The following RAPGEF5 variants were observed in gnomAD, a reference collection of about 807,000 sequenced individuals.
The protein encoded by RAPGEF5 is Rap guanine nucleotide exchange factor 5.
RAPGEF5 carries 65 observed loss-of-function variants against 125.2 expected under a neutral mutation model. The ratio of observed to expected loss-of-function variants is 0.52; its 90% CI spans 0.43 to 0.64. The LOEUF is 0.64. RAPGEF5 is among the 30% of genes least tolerant of loss of function. The pLI is 0.00. For missense variants in RAPGEF5, 958 were observed against 1,048.1 expected, an observed-to-expected ratio of 0.91 and a Z score of 1.19; for synonymous variants, 391 against 385.9, an observed-to-expected ratio of 1.01 and a Z score of -0.16.
At chr7:22,180,673 CTG>C (rs1784646641) in intron 11 of RAPGEF5, among the ~76,000 whole-genome samples, 1 of 152,144 alleles carries the variant, frequency 6.6e-6, no homozygotes, top group African/African-American at 2.4e-5. Flanking sequence ...CACATGTACA[CTG>C]AAAATTTCCA....
chr7:22,222,075 C>T (rs1432137133), intron 8 of RAPGEF5, among the ~76,000 whole-genome samples: 2 of 151,990 alleles, frequency 1.3e-5, no homozygotes, highest in East Asian at 1.9e-4. Context: ...GGTGAAACCC[C>T]GTCTCTACTA....
At chr7:22,140,239 C>G (rs566312912) in intron 20 of RAPGEF5, 124 bp from the exon 21 acceptor site, 1 of 802,596 alleles carries the variant, frequency 1.2e-6, no homozygotes, top group Non-Finnish European at 2.0e-6. Context: ...CTACAGCCTA[C>G]GTACCCCTTA....
At chr7:22,183,500 A>C (rs1026886591) in intron 11 of RAPGEF5, among the ~76,000 whole-genome samples, 1 of 152,174 alleles carries the variant, frequency 6.6e-6, no homozygotes, top group African/African-American at 2.4e-5. Flanking sequence ...CTAGCTAAAA[A>C]GATGAGTATC....
chr7:22,212,238 G>T (rs1438062874), intron 9 of RAPGEF5, among the ~76,000 whole-genome samples: 1 of 152,142 alleles, frequency 6.6e-6, no homozygotes, highest in Non-Finnish European at 1.5e-5. Context: ...CTCCCAAAGT[G>T]CTGGGATTAC....
rs574241172 is a variant in RAPGEF5 at position 22,184,077 on chromosome 7, A to T, written c.1204+9290T>A. Among the ~76,000 whole-genome samples the T allele has an allele frequency of 8.5e-5, 13 of 152,336 alleles. 2 individuals are homozygous for T. Among genetic ancestry groups the T allele is most frequent in the African/African-American group, 3.1e-4 (13 of 41,572 alleles). ...TTCCGTTTACAAAGTCTACTGTAAA[A>T]TGGTCAACCTTTTGTGGCAAAAGCC... On this transcript the variant is annotated intron_variant, in intron 11 of 25. Coordinates refer to ENST00000665637, the MANE Select transcript of RAPGEF5 (RefSeq NM_012294.5).
chr7:22,132,299 G>A (rs1782936231), intron 23 of RAPGEF5, among the ~76,000 whole-genome samples: 2 of 152,024 alleles, frequency 1.3e-5, no homozygotes, highest in Admixed American at 1.3e-4. Context: ...ACACACTGAT[G>A]CAACCCTTTC....
At chr7:22,220,219 G>C in intron 8 of RAPGEF5, 1 of 481,576 alleles carries the variant, frequency 2.1e-6, no homozygotes, top group Non-Finnish European at 3.7e-6. Flanking sequence ...ACTTTAAGAG[G>C]GTGAAGGACA....
intron 7 of RAPGEF5, among the ~76,000 whole-genome samples, chr7:22,261,233 T>C (rs1166357878): frequency 2.0e-5 from 3 of 152,060 alleles, no homozygotes; most frequent in Admixed American, 1.3e-4. Context: ...TATTATTATT[T>C]ACAATGGAAA....
At chr7:22,356,171 G>A (rs555332745) in intron 1 of RAPGEF5, 19 of 985,210 alleles carry the variant, frequency 1.9e-5, no homozygotes, top group South Asian at 1.9e-4. Context: ...ACTCAATGAG[G>A]GACACTCCTT....
chr7:22,153,652 G>T (rs995186140), intron 17 of RAPGEF5, among the ~76,000 whole-genome samples: 14 of 152,152 alleles, frequency 9.2e-5, no homozygotes, highest in African/African-American at 3.1e-4. Flanking sequence ...ACAGGAATGC[G>T]GTTAATCTGC....
intron 6 of RAPGEF5, among the ~76,000 whole-genome samples, chr7:22,268,411 G>C (rs893141681): frequency 3.9e-5 from 6 of 152,166 alleles, no homozygotes; most frequent in African/African-American, 1.4e-4. Flanking sequence ...ACCTTCGTAA[G>C]TACTGGTATG....
chr7:22,233,710 TTAAGCTTTAGGAA>T (rs1232115352), intron 7 of RAPGEF5, among the ~76,000 whole-genome samples: 3 of 152,152 alleles, frequency 2.0e-5, no homozygotes, highest in African/African-American at 7.2e-5. Context: ...ACACTACATT[TTAAGCTTTAGGAA>T]TAATTCTTAA....
At chr7:22,176,690 G>T (rs567684830) in intron 11 of RAPGEF5, among the ~76,000 whole-genome samples, 1 of 151,990 alleles carries the variant, frequency 6.6e-6, no homozygotes. Flanking sequence ...CACCATGCCC[G>T]GGTAATTTTT....
chr7:22,284,325 C>T (rs937741524), intron 6 of RAPGEF5, among the ~76,000 whole-genome samples: 1 of 152,154 alleles, frequency 6.6e-6, no homozygotes, highest in Non-Finnish European at 1.5e-5. Flanking sequence ...GACTGACAGT[C>T]CATAGCCCAA....
intron 5 of RAPGEF5, among the ~76,000 whole-genome samples, chr7:22,295,782 G>A (rs1562514306): frequency 1.3e-5 from 2 of 151,910 alleles, no homozygotes; most frequent in African/African-American, 4.8e-5. Flanking sequence ...AAAAAAGTTT[G>A]TTTACCCACA....
chr7:22,240,785 T>C (rs1786311956), intron 7 of RAPGEF5, among the ~76,000 whole-genome samples: 1 of 152,164 alleles, frequency 6.6e-6, no homozygotes, highest in South Asian at 2.1e-4. Flanking sequence ...TTCCTAGATA[T>C]TGCAAAATGT....
chr7:22,351,021 T>G (rs962370212), intron 1 of RAPGEF5, among the ~76,000 whole-genome samples: 1 of 152,220 alleles, frequency 6.6e-6, no homozygotes, highest in Non-Finnish European at 1.5e-5. Context: ...CTGGCTGCCA[T>G]AAGCAGATGA....
At chr7:22,355,154 G>T (rs1479116054) in intron 1 of RAPGEF5, among the ~76,000 whole-genome samples, 1 of 152,062 alleles carries the variant, frequency 6.6e-6, no homozygotes, top group Non-Finnish European at 1.5e-5. Context: ...GTCCCAAAAA[G>T]AAATAATACA....
At chr7:22,132,840 A>C (rs1186473064) in intron 23 of RAPGEF5, among the ~76,000 whole-genome samples, 1 of 152,144 alleles carries the variant, frequency 6.6e-6, no homozygotes, top group African/African-American at 2.4e-5. Context: ...TCATAAGGTA[A>C]ATTCTAGGAG....
Sources: allele counts gnomAD v4.1 joint callset (sites outside exome capture counted in the v4.1 genomes callset), GRCh38; gene constraint gnomAD v4.1.1; transcripts MANE v1.5; gene names NCBI Gene and HGNC (gene_info 2026-07-23, HGNC 2026-07-21).